RAPGEF6: variants seen among roughly 807,000 people sequenced by gnomAD.
The protein encoded by RAPGEF6 is PDZ domain containing guanine nucleotide exchange factor (GEF) 2.
Under a neutral mutation model 171.4 loss-of-function variants are expected in RAPGEF6, and 56 were observed. The observed-to-expected ratio is 0.33, with a 90% confidence interval of 0.26 to 0.41. The LOEUF (loss-of-function observed/expected upper bound fraction) is 0.41. Ranked by LOEUF, RAPGEF6 falls within the 10% of genes least tolerant of loss-of-function variation. RAPGEF6 has a pLI of 1.00. For synonymous variants in RAPGEF6, 692 were observed against 650.1 expected (o/e 1.06, Z -0.98); for missense variants, 1,674 against 1,921.4 (o/e 0.87, Z 2.41).
At chr5:131,516,643 TCA>T (rs932883736) in intron 7 of RAPGEF6, among the ~76,000 whole-genome samples, 10 of 152,286 alleles carry the variant, frequency 6.6e-5, no homozygotes, top group East Asian at 1.9e-4. Context: ...AGTCAATATT[TCA>T]CAGTTTTCCA....
intron 8 of RAPGEF6, among the ~76,000 whole-genome samples, chr5:131,508,821 C>T (rs935449669): frequency 2.6e-5 from 4 of 152,036 alleles, no homozygotes; most frequent in African/African-American, 9.7e-5. Flanking sequence ...TGCTATATAT[C>T]CATAGGACAT....
At chr5:131,618,886 T>C (rs1765433182) in intron 1 of RAPGEF6, among the ~76,000 whole-genome samples, 2 of 152,052 alleles carry the variant, frequency 1.3e-5, no homozygotes, top group Non-Finnish European at 2.9e-5. Context: ...GTGTCAGTGA[T>C]GGGACAATAC....
intron 6 of RAPGEF6, among the ~76,000 whole-genome samples, chr5:131,523,645 G>A (rs1490628956): frequency 6.6e-6 from 1 of 152,058 alleles, no homozygotes; most frequent in Non-Finnish European, 1.5e-5. Flanking sequence ...AGCCACAGGA[G>A]ATTCAGTGAG....
chr5:131,428,905 C>A lies in RAPGEF6; in HGVS notation c.4777G>T (p.Asp1593Tyr), dbSNP rs140599952. Residue 1593 changes from aspartate (D) to tyrosine (Y), a missense_variant, in exon 27 of 28, where the codon GAT (aspartate) becomes TAT (tyrosine). Transcript: ENST00000509018. Reference sequence around the variant, plus strand: ...TTAAGAGAGCTTGTCAACATACCATCTGCTTCGCTATCTGCATCAGTCACA... The same window carrying A: ...TTAAGAGAGCTTGTCAACATACCATATGCTTCGCTATCTGCATCAGTCACA... ...GDVTDADSEA[D>Y]ENEQVSAV The A allele has an allele frequency of 1.0e-4, 161 of 1,611,882 alleles. No individual in the cohort carries two copies. The highest frequency in any genetic ancestry group is 7.8e-5 in the Non-Finnish European group (92 of 1,178,116).
chr5:131,446,689 C>T lies in RAPGEF6; in HGVS notation c.3215G>A (p.Gly1072Glu). 1 of 1,613,942 alleles carries T rather than the reference C, an allele frequency of 6.2e-7. No homozygotes were observed. The highest frequency in any genetic ancestry group is 8.5e-7 in the Non-Finnish European group (1 of 1,179,858). Residue 1072 changes from glycine to glutamate, a missense_variant, in exon 22 of 28, where the codon GGA (glycine) becomes GAA (glutamate). Coordinates refer to ENST00000509018, the MANE Select transcript of RAPGEF6 (RefSeq NM_016340.6). ...ATCCAGCATGTTTGAATTTGTGCTTCCTTGACTCAGTGACCTATAAGAAGA... is the reference window on the plus strand; with the variant it reads ...ATCCAGCATGTTTGAATTTGTGCTTTCTTGACTCAGTGACCTATAAGAAGA... ...MMFRQRSLSQ[G>E]STNSNMLDVQ...
intron 7 of RAPGEF6, among the ~76,000 whole-genome samples, chr5:131,519,093 A>G (rs1758298169): frequency 6.6e-6 from 1 of 152,204 alleles, no homozygotes; most frequent in African/African-American, 2.4e-5. Context: ...TATTCTACAT[A>G]TTGATATAGG....
At position 131,505,536 on chromosome 5, in the gene RAPGEF6, C is replaced by A. The variant is rs373196922; in HGVS notation, c.943-14G>T. On this transcript the variant is annotated splice_polypyrimidine_tract_variant and intron_variant, in intron 9 of 27. Transcript: ENST00000509018. Reference sequence around the variant, plus strand: ...CCATGAGTCAAGCTATAGAGAAAAACAAAGGTTTTATGAATCTTTTTAAAA... The same window carrying A: ...CCATGAGTCAAGCTATAGAGAAAAAAAAAGGTTTTATGAATCTTTTTAAAA... The A allele has an allele frequency of 6.2e-7, 1 of 1,603,630 alleles. No individual in the cohort carries two copies. The highest frequency in any genetic ancestry group is 8.5e-7 in the Non-Finnish European group (1 of 1,174,610).
intron 23 of RAPGEF6, among the ~76,000 whole-genome samples, chr5:131,442,005 G>A (rs1439145850): frequency 6.6e-6 from 1 of 152,158 alleles, no homozygotes; most frequent in Non-Finnish European, 1.5e-5. Flanking sequence ...TTTGGAATAA[G>A]CAACTTCATT....
intron 6 of RAPGEF6, among the ~76,000 whole-genome samples, chr5:131,546,731 A>C (rs1200047794): frequency 6.6e-6 from 1 of 152,228 alleles, no homozygotes; most frequent in Non-Finnish European, 1.5e-5. Context: ...AATGGGAAAA[A>C]CATTTAACAA....
intron 4 of RAPGEF6, among the ~76,000 whole-genome samples, chr5:131,576,017 G>A (rs747321301): frequency 8.6e-5 from 13 of 151,958 alleles, no homozygotes; most frequent in African/African-American, 2.9e-4. Flanking sequence ...CTTTCTGCCC[G>A]ACTCCTTCAA....
Position 131,433,468 on chromosome 5 carries a change from G to A in RAPGEF6, c.3936C>T (p.His1312=), listed in dbSNP as rs756669537. ...GACTATGATCTCCTATCCCTGAAGC[G>A]TGCTCTGTCTTTTCCAATGCCCCAG... ...ESTGALEKTE[H]ASGIGDHSQH... The change falls in exon 25 of 28, where the codon CAC becomes CAT. Residue 1312 remains histidine, a synonymous_variant. Transcript: ENST00000509018. 8 of 1,613,490 alleles carry A rather than the reference G, an allele frequency of 5.0e-6. No individual in the cohort carries two copies. Among genetic ancestry groups the A allele is most frequent in the African/African-American group, 1.3e-5 (1 of 74,902 alleles).
At position 131,504,694 on chromosome 5, in the gene RAPGEF6, T is replaced by C. The variant is rs769652876; in HGVS notation, c.1186A>G (p.Ile396Val). Residue 396 changes from isoleucine to valine, a missense_variant, in exon 11 of 28, where the codon ATT becomes GTT. Ile to Val is a conservative substitution (Grantham distance 29). This residue lies in a region of RAPGEF6 where 1,116 missense variants were observed against 1,321.5 expected (regional missense o/e 0.84). Coordinates refer to ENST00000509018, the MANE Select transcript of RAPGEF6 (RefSeq NM_016340.6). ...TCCCGATGCTCATGTACCATAACAA[T>C]TTCTCCCTCTTCCTCAACTTTATGG... is the stretch of plus-strand genomic sequence containing the variant. Reference protein sequence around the residue: ...NTHKVEEEGEIVMVHEHRELD... With the variant: ...NTHKVEEEGEVVMVHEHRELD... 4 of 1,613,918 alleles carry C rather than the reference T, an allele frequency of 2.5e-6. No individual in the cohort carries two copies.
intron 3 of RAPGEF6, among the ~76,000 whole-genome samples, chr5:131,596,446 A>G (rs1229365144): frequency 3.3e-5 from 5 of 151,684 alleles, no homozygotes; most frequent in African/African-American, 1.2e-4. Flanking sequence ...TGTAAAGCAA[A>G]TATCATTAGA....
At chr5:131,439,850 A>G in intron 23 of RAPGEF6, 135 bp from the exon 24 acceptor site, 1 of 1,397,046 alleles carries the variant, frequency 7.2e-7, no homozygotes, top group Non-Finnish European at 9.5e-7. Context: ...AATGACAAAC[A>G]GGGACTAAAT....
At position 131,424,322 on chromosome 5, in the gene RAPGEF6, A is replaced by T. The variant is rs1255090856; in HGVS notation, c.*2944T>A. On this transcript the variant is annotated 3_prime_UTR_variant, in exon 28 of 28. Transcript: ENST00000509018. ...AAAGATGAACCAGGATTCAAGTTTAAATTTGAACATGTACTGTGACACTTT... is the reference window on the plus strand; with the variant it reads ...AAAGATGAACCAGGATTCAAGTTTATATTTGAACATGTACTGTGACACTTT... 7.2e-5 allele frequency: 11 copies of T among 152,498 alleles called. No homozygotes were observed. The highest frequency in any genetic ancestry group is 2.1e-4 in the South Asian group (1 of 4,830). The allele number at this position is 152,498 out of a possible 1,614,324, so 9.4% of individuals were successfully genotyped here. A position where few individuals can be genotyped will look rare whatever the true frequency, so the allele number is the denominator to read the frequency against.
At chr5:131,493,727 T>C (rs73786687) in intron 13 of RAPGEF6, among the ~76,000 whole-genome samples, 4,029 of 152,248 alleles carry the variant, frequency 0.026, 185 homozygotes, top group African/African-American at 0.091. Flanking sequence ...TGATCCTACA[T>C]TGATGTCTTT....
In RAPGEF6 at chr5:131,517,824, A is replaced by AC. The variant is rs1758200826; in HGVS notation, c.627+3565_627+3566insG. ...ACACACACACACACACACACACACA[A>AC]AATTTAGTTAGACATTTCTCTTACC... On this transcript the variant is annotated intron_variant, in intron 7 of 27. Transcript: ENST00000509018. Among the ~76,000 whole-genome samples, 5 of 142,744 alleles carry AC rather than the reference A, an allele frequency of 3.5e-5. No individual in the cohort carries two copies. In the South Asian group the frequency reaches 1.1e-3, roughly 33 times the overall value. 93.6% of individuals were successfully genotyped at this position (142,744 alleles called of 152,430 possible). A position where few individuals can be genotyped will look rare whatever the true frequency, so the allele number is the denominator to read the frequency against.
At chr5:131,524,604 G>C (rs936950741) in intron 6 of RAPGEF6, among the ~76,000 whole-genome samples, 4 of 69,618 alleles carry the variant, frequency 5.7e-5, no homozygotes, top group Non-Finnish European at 1.0e-4. Context: ...GGGGGAGAGA[G>C]AGATTGAGAG....
intron 24 of RAPGEF6, among the ~76,000 whole-genome samples, chr5:131,434,105 GAAGT>G (rs1389288528): frequency 2.0e-5 from 3 of 152,164 alleles, no homozygotes; most frequent in African/African-American, 7.2e-5. Flanking sequence ...ATACCATCTT[GAAGT>G]AAGGGTAGGG....
Sources: allele counts gnomAD v4.1 joint callset (sites outside exome capture counted in the v4.1 genomes callset), GRCh38; gene constraint gnomAD v4.1.1; regional missense constraint gnomAD v4.1.1; transcripts MANE v1.5; gene names NCBI Gene and HGNC (gene_info 2026-07-23, HGNC 2026-07-21).